TEX36: variants seen among roughly 807,000 people sequenced by gnomAD.
TEX36 encodes the protein testis-expressed protein 36.
TEX36 carries 12 observed loss-of-function variants against 13.6 expected under a neutral mutation model. The ratio of observed to expected loss-of-function variants is 0.88; its 90% CI spans 0.56 to 1.43. The LOEUF is 1.43. Ranked by LOEUF, TEX36 falls within the 40% of genes most tolerant of loss-of-function variation. The pLI, the probability that TEX36 is intolerant of heterozygous loss-of-function variation, is 0.00. For missense variants in TEX36, 224 were observed against 228.3 expected (o/e 0.98, Z 0.12); for synonymous variants, 93 against 83.0 (o/e 1.12, Z -0.65).
chr10:125,635,054 G>A (rs971698009), intron 3 of TEX36, among the ~76,000 whole-genome samples: 2 of 152,168 alleles, frequency 1.3e-5, no homozygotes, highest in African/African-American at 2.4e-5. Context: ...CACACCAGAC[G>A]CATTGCCAAC....
At chr10:125,593,480 T>G (rs2133535057) in intron 3 of TEX36, among the ~76,000 whole-genome samples, 1 of 152,232 alleles carries the variant, frequency 6.6e-6, no homozygotes, top group South Asian at 2.1e-4. Flanking sequence ...CCCATTAGGG[T>G]AATAAAGTCT....
chr10:125,592,214 C>T (rs556441236), intron 3 of TEX36, among the ~76,000 whole-genome samples: 1 of 152,174 alleles, frequency 6.6e-6, no homozygotes, highest in South Asian at 2.1e-4. Context: ...TGGGAGAAAA[C>T]CTTCGGTAAA....
intron 3 of TEX36, among the ~76,000 whole-genome samples, chr10:125,590,181 C>G (rs79055159): frequency 0.011 from 1,682 of 152,152 alleles, 17 homozygotes; most frequent in Admixed American, 0.025. Context: ...GTGGCACCAT[C>G]TCGGATCACT....
chr10:125,619,573 C>G (rs577044397), downstream of TEX36, among the ~76,000 whole-genome samples: 1 of 152,116 alleles, frequency 6.6e-6, no homozygotes, highest in African/African-American at 2.4e-5. Flanking sequence ...GTTTTTGAGA[C>G]GGAGTCTCGC....
intron 1 of TEX36, among the ~76,000 whole-genome samples, chr10:125,668,897 G>A (rs931136138): frequency 3.9e-5 from 6 of 152,122 alleles, no homozygotes; most frequent in South Asian, 2.1e-4. Flanking sequence ...GGTGGCTCAC[G>A]CCTGTAATCC....
At chr10:125,641,429 C>G (rs78005498) in intron 3 of TEX36, among the ~76,000 whole-genome samples, 1 of 152,200 alleles carries the variant, frequency 6.6e-6, no homozygotes, top group Admixed American at 6.5e-5. Context: ...CTGATTTTTG[C>G]AAATATAAAC....
intron 3 of TEX36, among the ~76,000 whole-genome samples, chr10:125,649,997 C>T (rs1322160880): frequency 6.6e-6 from 1 of 152,184 alleles, no homozygotes. Flanking sequence ...ATTCACAAAG[C>T]AAGTCCTTAG....
intron 3 of TEX36, among the ~76,000 whole-genome samples, chr10:125,638,468 TC>T (rs1290168058): frequency 6.6e-6 from 1 of 152,076 alleles, no homozygotes; most frequent in East Asian, 1.9e-4. Context: ...AGAAATGGAT[TC>T]CCCCTGGACC....
chr10:125,674,334 G>C (rs1847279694), intron 1 of TEX36, among the ~76,000 whole-genome samples: 2 of 152,076 alleles, frequency 1.3e-5, no homozygotes, highest in Non-Finnish European at 2.9e-5. Context: ...GTTTTATCAT[G>C]GTTCTTAGCT....
chr10:125,593,870 A>T (rs1281944204), intron 3 of TEX36, among the ~76,000 whole-genome samples: 1 of 152,230 alleles, frequency 6.6e-6, no homozygotes, highest in Non-Finnish European at 1.5e-5. Context: ...GAATATACTT[A>T]AGGCCACTGG....
chr10:125,604,177 G>A (rs1846186416), intron 3 of TEX36, among the ~76,000 whole-genome samples: 1 of 152,150 alleles, frequency 6.6e-6, no homozygotes, highest in Non-Finnish European at 1.5e-5. Context: ...ACCAGTACCA[G>A]TTGGTGGCCT....
rs554533016 is a variant in TEX36, at chr10:125,608,986, A to G, written c.265-32112T>C. Among the ~76,000 whole-genome samples the G allele has an allele frequency of 2.1e-5, 3 of 141,996 alleles. No individual in the cohort carries two copies. The East Asian group carries it at 6.0e-4, about 28-fold the overall frequency. The allele number at this position is 141,996 out of a possible 152,430, so 93.2% of individuals were successfully genotyped here. A position where few individuals can be genotyped will look rare whatever the true frequency, so the allele number is the denominator to read the frequency against. ...CCCACCTCTACTAAAAAAAAAAAAA[A>G]AAAAAGAAAGAAAAGAAAAGAAAAA... On this transcript the variant is annotated intron_variant, in intron 3 of 3. Coordinates refer to the TEX36 transcript ENST00000532135.
intron 3 of TEX36, among the ~76,000 whole-genome samples, chr10:125,615,960 C>A (rs370029143): frequency 6.6e-6 from 1 of 152,086 alleles, no homozygotes; most frequent in Non-Finnish European, 1.5e-5. Flanking sequence ...ACAATTTCAG[C>A]TCCTGTTATT....
At chr10:125,600,078 T>G (rs1359054878) in intron 3 of TEX36, among the ~76,000 whole-genome samples, 1 of 152,214 alleles carries the variant, frequency 6.6e-6, no homozygotes, top group Non-Finnish European at 1.5e-5. Context: ...TCCAATTTAT[T>G]TAGGCAGCAA....
intron 3 of TEX36, among the ~76,000 whole-genome samples, chr10:125,645,748 G>A (rs1846759635): frequency 6.6e-6 from 1 of 151,972 alleles, no homozygotes; most frequent in Non-Finnish European, 1.5e-5. Context: ...AAAATAGGCA[G>A]AATCTTTCTG....
At chr10:125,627,873 G>A (rs554717026) in intron 3 of TEX36, among the ~76,000 whole-genome samples, 1 of 152,210 alleles carries the variant, frequency 6.6e-6, no homozygotes, top group South Asian at 2.1e-4. Context: ...GTGGATTTGA[G>A]AAGGTGCCAG....
At chr10:125,596,747 G>C (rs935968012) in intron 3 of TEX36, among the ~76,000 whole-genome samples, 3 of 152,170 alleles carry the variant, frequency 2.0e-5, no homozygotes, top group Non-Finnish European at 4.4e-5. Flanking sequence ...ACCTGCATGA[G>C]AAATCAGCAG....
At chr10:125,582,919 T>C (rs947691539) in intron 3 of TEX36, among the ~76,000 whole-genome samples, 2 of 152,200 alleles carry the variant, frequency 1.3e-5, no homozygotes, top group African/African-American at 4.8e-5. Flanking sequence ...AAAAGAGATA[T>C]AGTTGTATTC....
exon 4 of TEX36, chr10:125,576,739 C>G (rs1431364910): frequency 6.5e-7 from 1 of 1,534,570 alleles, no homozygotes; most frequent in African/African-American, 1.4e-5. Context: ...GAAACTTGCT[C>G]CCAAAGAGCT....
Sources: gnomAD v4.1 joint callset for allele counts (sites outside exome capture counted in the v4.1 genomes callset) on GRCh38, gnomAD v4.1.1 for gene constraint, MANE v1.5 for transcripts, NCBI Gene and HGNC (gene_info 2026-07-23, HGNC 2026-07-21) for gene names.